ATAD2B: variants seen among roughly 807,000 people sequenced by gnomAD.
The protein encoded by ATAD2B is ATPase family AAA domain containing 2B, also known as ATPase family AAA domain-containing protein 2B.
ATAD2B carries 40 observed loss-of-function variants against 167.6 expected under a neutral mutation model. That is an observed-to-expected ratio of 0.24 (90% CI 0.19 to 0.31). ATAD2B has a LOEUF of 0.31. Ranked by LOEUF, ATAD2B falls within the 10% of genes least tolerant of loss-of-function variation. The pLI is 1.00. For synonymous variants in ATAD2B, 579 were observed against 596.5 expected (o/e 0.97, Z 0.43); for missense variants, 1,242 against 1,757.2 (o/e 0.71, Z 5.24).
At chr2:23,712,665 G>C in the ATAD2B span, among the ~76,000 whole-genome samples, 1 of 152,106 alleles carries the variant, frequency 6.6e-6, no homozygotes, top group Non-Finnish European at 1.5e-5. Context: ...TCAAGGAGCT[G>C]AATAACATAA....
At chr2:23,892,844 C>T (rs1699726981) in intron 2 of ATAD2B, among the ~76,000 whole-genome samples, 1 of 152,128 alleles carries the variant, frequency 6.6e-6, no homozygotes, top group Non-Finnish European at 1.5e-5. Context: ...AGATATATAT[C>T]AGGTTAAATA....
intron 18 of ATAD2B, among the ~76,000 whole-genome samples, chr2:23,807,828 A>T (rs7567319): frequency 0.9 from 106,767 of 119,106 alleles, 47,907 homozygotes; most frequent in East Asian, 0.98. Flanking sequence ...AAAAAAAAAA[A>T]ATATATATAT....
At chr2:23,889,887 C>G (rs1699227711) in intron 2 of ATAD2B, among the ~76,000 whole-genome samples, 1 of 151,354 alleles carries the variant, frequency 6.6e-6, no homozygotes, top group African/African-American at 2.4e-5. Context: ...TCACTGCACT[C>G]CAGCCCAGGT....
intron 8 of ATAD2B, among the ~76,000 whole-genome samples, chr2:23,871,540 T>C: frequency 6.6e-6 from 1 of 152,264 alleles, no homozygotes; most frequent in East Asian, 1.9e-4. Context: ...TACCTGACTC[T>C]GTCTCCTTTT....
At chr2:23,701,340 C>T in the ATAD2B span, among the ~76,000 whole-genome samples, 1 of 152,240 alleles carries the variant, frequency 6.6e-6, no homozygotes, top group South Asian at 2.1e-4. Context: ...CTGACCTCTT[C>T]ATTCCAGGAC....
intron 17 of ATAD2B, chr2:23,811,376 T>C (rs1350812827): frequency 1.3e-5 from 2 of 152,290 alleles, no homozygotes; most frequent in Admixed American, 6.5e-5. Context: ...GAGGACATTG[T>C]TGTTCCCCTC....
chr2:23,817,349 G>C (rs934444189), intron 17 of ATAD2B, among the ~76,000 whole-genome samples: 1 of 152,194 alleles, frequency 6.6e-6, no homozygotes, highest in Non-Finnish European at 1.5e-5. Flanking sequence ...AATGCAATAT[G>C]ATTGTTAAGG....
intron 8 of ATAD2B, among the ~76,000 whole-genome samples, chr2:23,874,114 G>A (rs1250503380): frequency 6.6e-6 from 1 of 151,968 alleles, no homozygotes; most frequent in African/African-American, 2.4e-5. Context: ...TTCAACCAAG[G>A]AGGCGGAGGT....
At chr2:23,740,184 C>T in the ATAD2B span, among the ~76,000 whole-genome samples, 10 of 152,256 alleles carry the variant, frequency 6.6e-5, no homozygotes, top group African/African-American at 2.2e-4. Flanking sequence ...AGAGGGAATC[C>T]TCCCTAACTC....
At chr2:23,872,844 A>G in intron 8 of ATAD2B, 1 of 967,700 alleles carries the variant, frequency 1.0e-6, no homozygotes, top group Admixed American at 1.7e-5. Context: ...ACTGAGGTGA[A>G]GCAGATGTCA....
the ATAD2B span, among the ~76,000 whole-genome samples, chr2:23,679,619 T>TATAGATATAGATATAGATATAGATATAG: frequency 1.3e-5 from 2 of 151,698 alleles, no homozygotes; most frequent in Non-Finnish European, 2.9e-5. Context: ...CAGATATATA[T>TATAGATATAGATATAGATATAGATATAG]ATATGTATGC....
At chr2:23,793,084 G>T (rs1347801204) in intron 19 of ATAD2B, among the ~76,000 whole-genome samples, 2 of 146,400 alleles carry the variant, frequency 1.4e-5, no homozygotes, top group African/African-American at 5.1e-5. Context: ...TGTATCTTAT[G>T]ATCATTAATC....
At chr2:23,702,945 C>T in the ATAD2B span, among the ~76,000 whole-genome samples, 2 of 152,236 alleles carry the variant, frequency 1.3e-5, no homozygotes, top group African/African-American at 2.4e-5. Context: ...TCTGCACAGA[C>T]GCTGCCATAG....
chr2:23,752,497 A>ATATATATATAATT (rs1675469838), intron 27 of ATAD2B, among the ~76,000 whole-genome samples: 2 of 149,800 alleles, frequency 1.3e-5, no homozygotes, highest in African/African-American at 4.9e-5. Flanking sequence ...ATATGTATGC[A>ATATATATATAATT]TATATATATA....
At chr2:23,690,923 A>C in the ATAD2B span, 1 of 152,386 alleles carries the variant, frequency 6.6e-6, no homozygotes. Flanking sequence ...CACGCAGGCC[A>C]CTCTGACCTC....
intron 1 of ATAD2B, among the ~76,000 whole-genome samples, chr2:23,909,771 T>C (rs1702002186): frequency 6.6e-6 from 1 of 152,148 alleles, no homozygotes; most frequent in Admixed American, 6.6e-5. Context: ...AACAAAGTAA[T>C]ACTTATTTCA....
chr2:23,796,458 T>TA (rs1043444215), intron 19 of ATAD2B, among the ~76,000 whole-genome samples: 1 of 152,164 alleles, frequency 6.6e-6, no homozygotes, highest in Non-Finnish European at 1.5e-5. Flanking sequence ...TACATATGCA[T>TA]ATGGGCAACA....
the ATAD2B span, chr2:23,696,691 T>TACA: frequency 1.8e-6 from 1 of 562,706 alleles, no homozygotes; most frequent in Admixed American, 3.5e-5. This position sits in a 1 kb window ranked among gnomAD's most constrained non-coding sequence, Gnocchi z 5.5. Flanking sequence ...GGGTGTGGGA[T>TACA]ACAAGCAGAT....
At chr2:23,854,845 A>C (rs1178418925) in intron 13 of ATAD2B, among the ~76,000 whole-genome samples, 4 of 152,216 alleles carry the variant, frequency 2.6e-5, no homozygotes, top group South Asian at 2.1e-4. Context: ...CTGACTCTTC[A>C]AAAGTCCTAA....
Sources: gnomAD v4.1 joint callset for allele counts (sites outside exome capture counted in the v4.1 genomes callset) on GRCh38, gnomAD v4.1.1 for gene constraint, Gnocchi (gnomAD v3.1) non-coding constraint, MANE v1.5 for transcripts, NCBI Gene and HGNC (gene_info 2026-07-23, HGNC 2026-07-21) for gene names.